YTHDC2: variants seen among roughly 807,000 people sequenced by gnomAD.
YTHDC2 encodes 3'-5' RNA helicase YTHDC2.
YTHDC2 carries 45 observed loss-of-function variants against 174.9 expected under a neutral mutation model. The observed-to-expected ratio is 0.26, with a 90% CI of 0.20 to 0.33. The LOEUF (loss-of-function observed/expected upper bound fraction) is 0.33. YTHDC2 is among the 10% of genes least tolerant of loss of function. The pLI is 1.00. For missense variants in YTHDC2, 1,650 were observed against 1,723.7 expected, an observed-to-expected ratio of 0.96 and a Z score of 0.76; for synonymous variants, 657 against 574.5, an observed-to-expected ratio of 1.14 and a Z score of -2.05.
chr5:113,538,925 T>C (rs1412190260), intron 7 of YTHDC2, 149 bp from the exon 8 acceptor site: 1 of 431,022 alleles, frequency 2.3e-6, no homozygotes, highest in South Asian at 4.2e-5. Context: ...GTCAAAGTTA[T>C]AGTTAAAGGA....
chr5:113,514,378 C>T, intron 1 of YTHDC2: 1 of 623,936 alleles, frequency 1.6e-6, no homozygotes, highest in Non-Finnish European at 3.0e-6. Flanking sequence ...CACCGTGTTT[C>T]AGATATTGGT....
At chr5:113,518,441 A>G (rs948272200) in intron 2 of YTHDC2, among the ~76,000 whole-genome samples, 6 of 151,600 alleles carry the variant, frequency 4.0e-5, no homozygotes, top group Non-Finnish European at 8.8e-5. Context: ...GGCTCAAGCA[A>G]TCCTCCCTCA....
At chr5:113,531,357 A>C (rs945389554) in intron 4 of YTHDC2, among the ~76,000 whole-genome samples, 1 of 152,178 alleles carries the variant, frequency 6.6e-6, no homozygotes, top group African/African-American at 2.4e-5. Flanking sequence ...CGGTCCCATC[A>C]GCCAGCGAAG....
At chr5:113,565,246 T>C (rs1777254570) in intron 20 of YTHDC2, among the ~76,000 whole-genome samples, 1 of 152,194 alleles carries the variant, frequency 6.6e-6, no homozygotes, top group Admixed American at 6.5e-5. Flanking sequence ...GGATAACTCA[T>C]TGTTATTAAT....
chr5:113,577,212 A>G lies in YTHDC2; in HGVS notation c.3245-2374A>G, dbSNP rs112990316. On this transcript the variant is annotated intron_variant, in intron 23 of 29. Transcript: ENST00000161863. Reference sequence around the variant, plus strand: ...TTATTTAGTATTTTTATTTATTAATAAATTCTAATATCTGGTAGTAGAAGC... The same window carrying G: ...TTATTTAGTATTTTTATTTATTAATGAATTCTAATATCTGGTAGTAGAAGC... Among the ~76,000 whole-genome samples the G allele has an allele frequency of 1.0e-3, 158 of 152,272 alleles. 5 individuals are homozygous for G. The highest frequency in any genetic ancestry group is 3.6e-3 in the African/African-American group (149 of 41,566).
At chr5:113,534,440 T>G in intron 6 of YTHDC2, 33 bp downstream of exon 6, 1 of 1,565,712 alleles carries the variant, frequency 6.4e-7, no homozygotes, top group Non-Finnish European at 8.8e-7. Flanking sequence ...CATATGTAAC[T>G]CAGATTGCTT....
intron 10 of YTHDC2, among the ~76,000 whole-genome samples, chr5:113,548,153 T>G (rs989512127): frequency 1.3e-5 from 2 of 152,210 alleles, no homozygotes; most frequent in Non-Finnish European, 2.9e-5. Flanking sequence ...CTGATGAAAA[T>G]TAACTTTTAA....
At chr5:113,570,380 G>A (rs1052578737) in intron 23 of YTHDC2, among the ~76,000 whole-genome samples, 7 of 152,056 alleles carry the variant, frequency 4.6e-5, no homozygotes, top group Non-Finnish European at 1.0e-4. Flanking sequence ...GCAATTACAG[G>A]CGTGAGCTAT....
chr5:113,521,686 G>C (rs1371642672), intron 2 of YTHDC2, among the ~76,000 whole-genome samples: 1 of 150,564 alleles, frequency 6.6e-6, no homozygotes, highest in Non-Finnish European at 1.5e-5. Context: ...AGCCGAGATC[G>C]TGCCACTGCA....
intron 2 of YTHDC2, among the ~76,000 whole-genome samples, chr5:113,515,716 T>G (rs942983880): frequency 6.6e-6 from 1 of 152,154 alleles, no homozygotes; most frequent in Admixed American, 6.5e-5. Flanking sequence ...AGGGGAGAAC[T>G]CGATAGTAAC....
chr5:113,541,806 CTA>C (rs1775493936), intron 9 of YTHDC2, among the ~76,000 whole-genome samples: 1 of 151,718 alleles, frequency 6.6e-6, no homozygotes, highest in Non-Finnish European at 1.5e-5. Flanking sequence ...GATATATATC[CTA>C]TATGTTTATA....
chr5:113,583,517 C>T (rs367617156), intron 25 of YTHDC2: 1 of 152,134 alleles, frequency 6.6e-6, no homozygotes, highest in East Asian at 1.9e-4. Context: ...GACAGTCTCA[C>T]TGTGTCGCCC....
chr5:113,589,751 A>G (rs1386921382), intron 26 of YTHDC2, among the ~76,000 whole-genome samples: 1 of 151,948 alleles, frequency 6.6e-6, no homozygotes, highest in Non-Finnish European at 1.5e-5. Context: ...AGTTAATAAT[A>G]TCTTCCATTT....
chr5:113,534,275 G>A (rs571120760), intron 5 of YTHDC2, 30 bp from the exon 6 acceptor site: 3 of 1,570,574 alleles, frequency 1.9e-6, no homozygotes, highest in South Asian at 2.2e-5. Flanking sequence ...ACTTGCAATT[G>A]TGCACTTTGT....
intron 26 of YTHDC2, among the ~76,000 whole-genome samples, chr5:113,585,782 T>G (rs895796684): frequency 1.6e-4 from 24 of 151,726 alleles, no homozygotes; most frequent in African/African-American, 5.3e-4. Flanking sequence ...ATACATAAGA[T>G]TCAGTGTATC....
intron 2 of YTHDC2, among the ~76,000 whole-genome samples, chr5:113,523,938 T>C (rs1274187693): frequency 6.6e-6 from 1 of 152,122 alleles, no homozygotes; most frequent in African/African-American, 2.4e-5. Context: ...TTATGAAATA[T>C]TTTGGGTAAC....
intron 23 of YTHDC2, among the ~76,000 whole-genome samples, chr5:113,574,932 C>T (rs1414653256): frequency 6.6e-6 from 1 of 152,146 alleles, no homozygotes; most frequent in Non-Finnish European, 1.5e-5. Flanking sequence ...ATGTGGTTTC[C>T]CGGGAGGGGT....
chr5:113,523,737 T>C (rs1217035609), intron 2 of YTHDC2, among the ~76,000 whole-genome samples: 1 of 152,130 alleles, frequency 6.6e-6, no homozygotes, highest in African/African-American at 2.4e-5. Flanking sequence ...AGAAAACTTA[T>C]ATGCTAAAAC....
At chr5:113,573,853 G>T (rs1358873622) in intron 23 of YTHDC2, among the ~76,000 whole-genome samples, 3 of 151,728 alleles carry the variant, frequency 2.0e-5, no homozygotes, top group African/African-American at 7.3e-5. Context: ...CTGGCTATTA[G>T]CTCCCGTATT....
Sources: gnomAD v4.1 joint callset for allele counts (sites outside exome capture counted in the v4.1 genomes callset) on GRCh38, gnomAD v4.1.1 for gene constraint, MANE v1.5 for transcripts, NCBI Gene and HGNC (gene_info 2026-07-23, HGNC 2026-07-21) for gene names.